The following ADAMTS19 variants were observed in gnomAD, a reference collection of about 807,000 sequenced individuals.
ADAMTS19 encodes A disintegrin and metalloproteinase with thrombospondin motifs 19.
ADAMTS19 carries 93 observed loss-of-function variants against 153.3 expected under a neutral mutation model. The ratio of observed to expected loss-of-function variants is 0.61; its 90% CI spans 0.51 to 0.72. The LOEUF is 0.72. ADAMTS19 is among the 30% of genes least tolerant of loss of function. The probability of loss-of-function intolerance (pLI) is 0.00; values close to 1 mark genes in which losing one functional copy is unlikely to be tolerated. For synonymous variants in ADAMTS19, 600 were observed against 556.6 expected, an observed-to-expected ratio of 1.08 and a Z score of -1.10; for missense variants, 1,482 against 1,552.1, an observed-to-expected ratio of 0.95 and a Z score of 0.76.
intron 15 of ADAMTS19, among the ~76,000 whole-genome samples, chr5:129,664,439 G>A (rs1205669098): frequency 1.3e-5 from 2 of 152,160 alleles, no homozygotes; most frequent in Non-Finnish European, 2.9e-5. Flanking sequence ...GAATGGCTTA[G>A]TGTTGCTGAA....
chr5:129,560,449 TG>T (rs1753464537), intron 7 of ADAMTS19, among the ~76,000 whole-genome samples: 1 of 152,168 alleles, frequency 6.6e-6, no homozygotes, highest in Non-Finnish European at 1.5e-5. Flanking sequence ...TTTGTCCCAG[TG>T]CGATGGCTAA....
intron 15 of ADAMTS19, among the ~76,000 whole-genome samples, chr5:129,662,514 C>T (rs766975137): frequency 3.9e-5 from 6 of 152,156 alleles, no homozygotes; most frequent in East Asian, 1.9e-4. Flanking sequence ...AATAGAGAAT[C>T]GCTGTAAATA....
At chr5:129,602,116 G>A (rs1161552937) in intron 8 of ADAMTS19, among the ~76,000 whole-genome samples, 2 of 152,112 alleles carry the variant, frequency 1.3e-5, no homozygotes, top group Non-Finnish European at 2.9e-5. Context: ...TTTTGAGACG[G>A]AGTTTCACTC....
chr5:129,514,994 T>C (rs1350345329), intron 3 of ADAMTS19, among the ~76,000 whole-genome samples: 2 of 152,114 alleles, frequency 1.3e-5, no homozygotes, highest in Non-Finnish European at 2.9e-5. Context: ...TAAAGTTTCA[T>C]TCTTTTGCAA....
intron 14 of ADAMTS19, among the ~76,000 whole-genome samples, chr5:129,655,859 G>A (rs1254678962): frequency 6.6e-6 from 1 of 152,124 alleles, no homozygotes; most frequent in Non-Finnish European, 1.5e-5. Context: ...ATAAGAAGCA[G>A]TCTTTTGACT....
Position 129,527,816 on chromosome 5 carries a change from G to C in ADAMTS19, c.1155G>C (p.Leu385=). The C allele has an allele frequency of 6.3e-7, 1 of 1,590,726 alleles. No homozygotes were observed. Among genetic ancestry groups the C allele is most frequent in the Non-Finnish European group, 8.6e-7 (1 of 1,164,322 alleles). ...QVNLRVIKLI[L]LHETPPELYI... The stretch of plus-strand genomic sequence containing the variant: ...ATCTTCGTGTGATAAAGCTTATTCT[G>C]CTCCATGAAACTCCAGTAAGAAAGT... The change falls in exon 5 of 23, where the codon CTG becomes CTC. Residue 385 remains leucine, a synonymous_variant. Coordinates refer to ENST00000274487, the MANE Select transcript of ADAMTS19 (RefSeq NM_133638.6).
intron 7 of ADAMTS19, among the ~76,000 whole-genome samples, chr5:129,577,600 C>A (rs1484675821): frequency 6.6e-6 from 1 of 151,998 alleles, no homozygotes; most frequent in Non-Finnish European, 1.5e-5. Flanking sequence ...AAAGAATGTT[C>A]CAGGCAAAGT....
At chr5:129,674,870 C>T (rs1754486550) in intron 16 of ADAMTS19, among the ~76,000 whole-genome samples, 1 of 152,056 alleles carries the variant, frequency 6.6e-6, no homozygotes, top group Non-Finnish European at 1.5e-5. Context: ...ACATAGACAC[C>T]ACTTTCCATC....
intron 7 of ADAMTS19, among the ~76,000 whole-genome samples, chr5:129,579,155 C>T (rs977397462): frequency 6.6e-6 from 1 of 152,208 alleles, no homozygotes; most frequent in Non-Finnish European, 1.5e-5. Context: ...GAGATAGTAT[C>T]TCATTGTGGT....
At chr5:129,687,159 A>G (rs1447526105) in intron 18 of ADAMTS19, among the ~76,000 whole-genome samples, 3 of 152,174 alleles carry the variant, frequency 2.0e-5, no homozygotes, top group Admixed American at 6.5e-5. Context: ...TTTTCTCTTT[A>G]ACATAGCTCA....
chr5:129,728,160 T>C (rs190024048), intron 21 of ADAMTS19, among the ~76,000 whole-genome samples: 130 of 152,254 alleles, frequency 8.5e-4, no homozygotes, highest in African/African-American at 3.0e-3. Context: ...ACAAATGCCA[T>C]GGCAACATCA....
In ADAMTS19 at chr5:129,506,508, G is replaced by A. The variant is rs918042558; in HGVS notation, c.748-2569G>A. Among the ~76,000 whole-genome samples, 26 of 151,476 alleles carry A rather than the reference G, an allele frequency of 1.7e-4. 2 individuals are homozygous for A. The highest frequency in any genetic ancestry group is 1.7e-3 in the Admixed American group (26 of 15,150). On this transcript the variant is annotated intron_variant, in intron 2 of 22. Coordinates refer to ENST00000274487, the MANE Select transcript of ADAMTS19 (RefSeq NM_133638.6). Reference sequence around the variant, plus strand: ...GTGCAGGTTAGTTACATATGTATACGTGTGCCATGTTGGTGTCCTGCACCC... The same window carrying A: ...GTGCAGGTTAGTTACATATGTATACATGTGCCATGTTGGTGTCCTGCACCC...
At chr5:129,479,367 T>C (rs1750336279) in intron 2 of ADAMTS19, among the ~76,000 whole-genome samples, 1 of 152,194 alleles carries the variant, frequency 6.6e-6, no homozygotes, top group Non-Finnish European at 1.5e-5. Flanking sequence ...GTTTCCTTTC[T>C]GATGTTGGTA....
chr5:129,718,389 C>CA lies in ADAMTS19; in HGVS notation c.3312+14005dup, dbSNP rs141283986. On this transcript the variant is annotated intron_variant, in intron 21 of 22. Transcript: ENST00000274487. ...AATTAAACACATACACACACATACACAAAAAAACACCCTCAAATGCCTGAC... is the reference window on the plus strand; with the variant it reads ...AATTAAACACATACACACACATACACAAAAAAAACACCCTCAAATGCCTGAC... 8.9e-3 allele frequency among the ~76,000 whole-genome samples: 1,353 copies of CA among 152,082 alleles called. 16 individuals are homozygous for CA. Among genetic ancestry groups the CA allele is most frequent in the African/African-American group, 0.029 (1,213 of 41,500 alleles).
At chr5:129,475,416 T>C (rs1750192921) in intron 2 of ADAMTS19, among the ~76,000 whole-genome samples, 1 of 152,250 alleles carries the variant, frequency 6.6e-6, no homozygotes, top group Non-Finnish European at 1.5e-5. Flanking sequence ...GAACTACTTA[T>C]ACTGTTGTTT....
rs1324765214 is a variant in ADAMTS19, at chr5:129,704,257, A to C, written c.3178A>C (p.Lys1060Gln). ...VWSECSVKCG[K>Q]GIRHRTVRCT... ...CTTCCAGTGTTCAGTCAAGTGTGGC[A>C]AAGGCATACGTCATCGGACCGTTAG... The change falls in exon 21 of 23, where the codon AAA becomes CAA. Residue 1060 changes from lysine (K) to glutamine (Q), a missense_variant. By Grantham distance (53) the Lys-to-Gln change is moderately conservative (BLOSUM62 1). Coordinates refer to ENST00000274487, the MANE Select transcript of ADAMTS19 (RefSeq NM_133638.6). The C allele has an allele frequency of 6.2e-7, 1 of 1,613,490 alleles. No homozygotes were observed. Among genetic ancestry groups the C allele is most frequent in the African/African-American group, 1.3e-5 (1 of 74,886 alleles).
intron 7 of ADAMTS19, 113 bp downstream of exon 7, chr5:129,552,020 C>G: frequency 1.6e-6 from 1 of 632,874 alleles, no homozygotes. Context: ...TTCAAAATGT[C>G]AGACATACAT....
intron 3 of ADAMTS19, among the ~76,000 whole-genome samples, chr5:129,524,306 C>T (rs1448615176): frequency 6.6e-6 from 1 of 152,090 alleles, no homozygotes; most frequent in African/African-American, 2.4e-5. Flanking sequence ...AAAATTCACT[C>T]AAGATAGATT....
At chr5:129,700,117 A>C (rs1383311850) in intron 19 of ADAMTS19, among the ~76,000 whole-genome samples, 1 of 152,220 alleles carries the variant, frequency 6.6e-6, no homozygotes, top group East Asian at 1.9e-4. Context: ...TCACACAAAT[A>C]CCAAATTTTA....
Sources: allele counts gnomAD v4.1 joint callset (sites outside exome capture counted in the v4.1 genomes callset), GRCh38; gene constraint gnomAD v4.1.1; transcripts MANE v1.5; gene names NCBI Gene and HGNC (gene_info 2026-07-23, HGNC 2026-07-21).